ZDHHC21: variants seen among roughly 807,000 people sequenced by gnomAD.
ZDHHC21 encodes palmitoyltransferase ZDHHC21.
ZDHHC21 carries 15 observed loss-of-function variants against 34.6 expected under a neutral mutation model. The ratio of observed to expected loss-of-function variants is 0.43; its 90% CI spans 0.29 to 0.67. The LOEUF (loss-of-function observed/expected upper bound fraction) is 0.67, where lower values mean the gene tolerates loss of function less well. Among genes scored for constraint, ZDHHC21 ranks in the 30% least tolerant of loss-of-function variants. ZDHHC21 has a pLI of 0.14. For missense variants in ZDHHC21, 344 were observed against 327.7 expected (o/e 1.05, Z -0.38); for synonymous variants, 142 against 101.8 (o/e 1.40, Z -2.38).
At chr9:14,648,615 T>C (rs1053822596) in intron 7 of ZDHHC21, among the ~76,000 whole-genome samples, 1 of 152,140 alleles carries the variant, frequency 6.6e-6, no homozygotes, top group Non-Finnish European at 1.5e-5. Context: ...CCCTGCTTTA[T>C]TATACGTCAT....
At chr9:14,678,940 T>C (rs896367984) in intron 3 of ZDHHC21, among the ~76,000 whole-genome samples, 7 of 151,916 alleles carry the variant, frequency 4.6e-5, no homozygotes, top group African/African-American at 1.7e-4. Context: ...CAAAATCCAT[T>C]AGGAGTGGAG....
chr9:14,676,921 T>A (rs1836500106), intron 3 of ZDHHC21, among the ~76,000 whole-genome samples: 1 of 152,034 alleles, frequency 6.6e-6, no homozygotes, highest in South Asian at 2.1e-4. Context: ...AATTTTTCAG[T>A]TCTATTCAGG....
At chr9:14,649,472 G>C (rs1342290523) in intron 7 of ZDHHC21, among the ~76,000 whole-genome samples, 1 of 151,890 alleles carries the variant, frequency 6.6e-6, no homozygotes, top group African/African-American at 2.4e-5. Flanking sequence ...GCACTTTTTG[G>C]AATGACCCTT....
intron 7 of ZDHHC21, among the ~76,000 whole-genome samples, chr9:14,650,114 T>G (rs1830968277): frequency 6.6e-6 from 1 of 152,012 alleles, no homozygotes; most frequent in Non-Finnish European, 1.5e-5. Flanking sequence ...AGGACAGGAT[T>G]AAGATTTATT....
chr9:14,656,034 A>T (rs1832142676), intron 7 of ZDHHC21, among the ~76,000 whole-genome samples: 1 of 151,820 alleles, frequency 6.6e-6, no homozygotes, highest in South Asian at 2.1e-4. Flanking sequence ...AATCATTACT[A>T]AGAATAAAGA....
intron 5 of ZDHHC21, among the ~76,000 whole-genome samples, chr9:14,664,995 G>A (rs1353585143): frequency 2.1e-5 from 3 of 142,332 alleles, no homozygotes; most frequent in African/African-American, 7.9e-5. Flanking sequence ...AAAGCTGGAT[G>A]GAGAATGACT....
Position 14,612,683 on chromosome 9 carries a change from T to TCC in ZDHHC21, c.*6282_*6283insGG, listed in dbSNP as rs2133367962. ...ATGCATTTCCTCTTGGGAAAGCATCTCTCTCTCTGTCTCTCTCTCTGTCTG... is the reference window on the plus strand; with the variant it reads ...ATGCATTTCCTCTTGGGAAAGCATCTCCCTCTCTCTGTCTCTCTCTCTGTCTG... On this transcript the variant is annotated 3_prime_UTR_variant, in exon 10 of 10. Transcript: ENST00000380916. 1 of 151,886 alleles carries TCC rather than the reference T, an allele frequency of 6.6e-6. No homozygotes were observed. Among genetic ancestry groups the TCC allele is most frequent in the South Asian group, 2.1e-4 (1 of 4,814 alleles). 9.4% of individuals were successfully genotyped at this position (151,886 alleles called of 1,614,324 possible).
At chr9:14,636,815 C>A (rs947117868) in intron 8 of ZDHHC21, among the ~76,000 whole-genome samples, 1 of 151,854 alleles carries the variant, frequency 6.6e-6, no homozygotes, top group African/African-American at 2.4e-5. Flanking sequence ...ACCAGTGGGC[C>A]AAGAAAGAAA....
the ZDHHC21 span, among the ~76,000 whole-genome samples, chr9:14,597,382 T>A: frequency 6.6e-6 from 1 of 151,988 alleles, no homozygotes; most frequent in African/African-American, 2.4e-5. Context: ...GTATCCTACA[T>A]CCCAGGGAAT....
intron 3 of ZDHHC21, among the ~76,000 whole-genome samples, chr9:14,677,985 A>T (rs1241579218): frequency 6.6e-6 from 1 of 151,854 alleles, no homozygotes; most frequent in Non-Finnish European, 1.5e-5. Flanking sequence ...GTCTATGCTT[A>T]CAGTTTTACG....
chr9:14,643,089 A>G (rs1829661928), intron 7 of ZDHHC21, among the ~76,000 whole-genome samples: 1 of 152,036 alleles, frequency 6.6e-6, no homozygotes, highest in South Asian at 2.1e-4. Context: ...AAATAAAAAT[A>G]AAAATAAAAT....
intron 2 of ZDHHC21, among the ~76,000 whole-genome samples, chr9:14,683,205 T>C (rs146657467): frequency 1.9e-3 from 296 of 151,952 alleles, no homozygotes; most frequent in African/African-American, 6.5e-3. Flanking sequence ...CTGAAGGAGA[T>C]AGAGAGACAA....
intron 9 of ZDHHC21, among the ~76,000 whole-genome samples, chr9:14,619,415 T>C (rs1824866390): frequency 6.6e-6 from 1 of 152,094 alleles, no homozygotes; most frequent in Non-Finnish European, 1.5e-5. Context: ...TAACTTACTT[T>C]AGTTAGACAA....
Position 14,618,984 on chromosome 9 carries a change from G to GATTGGCA in ZDHHC21, c.779_780insTGCCAAT (p.Phe261AlafsTer82), listed in dbSNP as rs778317185. 28 of 1,610,126 alleles carry GATTGGCA rather than the reference G, an allele frequency of 1.7e-5. No individual in the cohort carries two copies. Among genetic ancestry groups the GATTGGCA allele is most frequent in the Non-Finnish European group, 2.4e-5 (28 of 1,177,998 alleles). ...CATCTGTTTAGACATGATTGGCAAA[G>GATTGGCA]TGGTAGGGAACTCGCAGTGGTTGCC... On this transcript the variant is annotated frameshift_variant, in exon 10 of 10. Coordinates refer to ENST00000380916, the MANE Select transcript of ZDHHC21 (RefSeq NM_178566.6). LOFTEE classifies it high-confidence loss of function.
At chr9:14,683,135 C>T (rs1279870705) in intron 2 of ZDHHC21, among the ~76,000 whole-genome samples, 4 of 151,924 alleles carry the variant, frequency 2.6e-5, no homozygotes, top group Non-Finnish European at 4.4e-5. Context: ...ACTAGAGAAG[C>T]AAGAGCAAAC....
chr9:14,623,879 T>TA (rs1364088329), intron 8 of ZDHHC21, among the ~76,000 whole-genome samples: 5 of 152,034 alleles, frequency 3.3e-5, no homozygotes, highest in Non-Finnish European at 7.4e-5. Flanking sequence ...AGGGAACCCT[T>TA]ACACAGTCTG....
intron 8 of ZDHHC21, chr9:14,622,588 T>C (rs1586898201): frequency 1.0e-6 from 1 of 985,240 alleles, no homozygotes; most frequent in Non-Finnish European, 1.2e-6. Flanking sequence ...ATACAATCCA[T>C]CCAACTAACT....
intron 2 of ZDHHC21, chr9:14,683,539 G>T (rs527455346): frequency 6.6e-6 from 1 of 152,124 alleles, no homozygotes; most frequent in Admixed American, 6.6e-5. Context: ...AACAGGCTCT[G>T]AAATTGAGGC....
intron 8 of ZDHHC21, among the ~76,000 whole-genome samples, chr9:14,625,038 A>G (rs1358406466): frequency 6.6e-6 from 1 of 152,084 alleles, no homozygotes; most frequent in Non-Finnish European, 1.5e-5. Flanking sequence ...AATTCTAAGA[A>G]AGACTTTCAT....
Sources: allele counts gnomAD v4.1 joint callset (sites outside exome capture counted in the v4.1 genomes callset), GRCh38; gene constraint gnomAD v4.1.1; transcripts MANE v1.5; gene names NCBI Gene and HGNC (gene_info 2026-07-23, HGNC 2026-07-21).